Variants in DNAH6 observed in about 807,000 individuals in gnomAD.
The protein encoded by DNAH6 is axonemal beta dynein heavy chain 6.
In DNAH6, 340 loss-of-function variants were observed where a neutral mutation model predicts 491.4. That is an observed-to-expected ratio of 0.69 (90% CI 0.63 to 0.76). The LOEUF (loss-of-function observed/expected upper bound fraction) is 0.76, where lower values mean the gene tolerates loss of function less well. Ranked by LOEUF, DNAH6 falls within the 30% of genes least tolerant of loss-of-function variation. The pLI is 0.00. For synonymous variants in DNAH6, 1,603 were observed against 1,686.1 expected, an observed-to-expected ratio of 0.95 and a Z score of 1.21; for missense variants, 4,443 against 4,972.2, an observed-to-expected ratio of 0.89 and a Z score of 3.20.
rs1031396955 is a variant in DNAH6, at chr2:84,768,432, TA to T, written c.10703+5497del. Among the ~76,000 whole-genome samples, 166 of 148,074 alleles carry T rather than the reference TA, an allele frequency of 1.1e-3. 1 individual carries two copies. Among genetic ancestry groups the T allele is most frequent in the Middle Eastern group, 3.6e-3 (1 of 280 alleles). On this transcript the variant is annotated intron_variant, in intron 64 of 76. Coordinates refer to ENST00000389394, the MANE Select transcript of DNAH6 (RefSeq NM_001370.2). Reference sequence around the variant, plus strand: ...GCAGACATTAAAATGAGTGTATTATTAAAAAAAAAACTTTTGCCAATGAATT... The same window carrying T: ...GCAGACATTAAAATGAGTGTATTATTAAAAAAAAACTTTTGCCAATGAATT...
chr2:84,819,244 T>A, intron 76 of DNAH6, 61 bp from the exon 77 acceptor site: 1 of 1,234,492 alleles, frequency 8.1e-7, no homozygotes, highest in Non-Finnish European at 1.1e-6. Context: ...GTAGCCTCTC[T>A]CTTTGTATGA....
At chr2:84,783,820 G>A (rs1283351423) in intron 65 of DNAH6, among the ~76,000 whole-genome samples, 1 of 152,202 alleles carries the variant, frequency 6.6e-6, no homozygotes, top group Non-Finnish European at 1.5e-5. Flanking sequence ...ACATGGTTGT[G>A]CTTTGGAAAA....
rs1363005589 is a variant in DNAH6, at chr2:84,654,768, G to A, written c.5743G>A (p.Gly1915Ser). The change falls in exon 35 of 77, where the codon GGT becomes AGT. Residue 1915 changes from glycine (G) to serine (S), a missense_variant. By Grantham distance (56) the Gly-to-Ser change is moderately conservative (BLOSUM62 0). This residue lies in a region of DNAH6 where 2,977 missense variants were observed against 3,296.6 expected (regional missense o/e 0.90). Transcript: ENST00000389394. ...WMPYVKTWMK[G>S]ISKKLTEETQ... Reference sequence around the variant, plus strand: ...GCCTTATGTTAAAACTTGGATGAAGGGTATTTCTAAAAAAGTAAGTGCCAT... The same window carrying A: ...GCCTTATGTTAAAACTTGGATGAAGAGTATTTCTAAAAAAGTAAGTGCCAT... 6.4e-7 allele frequency: 1 copy of A among 1,550,530 alleles called. No homozygotes were observed. The highest frequency in any genetic ancestry group is 2.0e-5 in the Admixed American group (1 of 50,940).
chr2:84,645,479 GT>G (rs1415995309), intron 33 of DNAH6, among the ~76,000 whole-genome samples: 1 of 152,100 alleles, frequency 6.6e-6, no homozygotes, highest in African/African-American at 2.4e-5. Context: ...TCACATTGTG[GT>G]TTTGATTTGC....
At chr2:84,579,820 A>G in intron 14 of DNAH6, 141 bp downstream of exon 14, 2 of 661,174 alleles carry the variant, frequency 3.0e-6, no homozygotes, top group Non-Finnish European at 4.9e-6. Flanking sequence ...TGGATGTTCT[A>G]CATCACAGGA....
intron 33 of DNAH6, among the ~76,000 whole-genome samples, chr2:84,643,088 AT>A (rs1266239531): frequency 6.6e-6 from 1 of 152,020 alleles, no homozygotes; most frequent in Non-Finnish European, 1.5e-5. Flanking sequence ...CTCAATGTTT[AT>A]TTGTCTGAGA....
chr2:84,550,273 C>T (rs767944864), intron 9 of DNAH6, among the ~76,000 whole-genome samples: 2 of 152,148 alleles, frequency 1.3e-5, no homozygotes, highest in Non-Finnish European at 2.9e-5. Context: ...AACTGTTCCA[C>T]CTCAGATCAT....
At chr2:84,708,312 G>A (rs551461157) in intron 54 of DNAH6, among the ~76,000 whole-genome samples, 1 of 151,968 alleles carries the variant, frequency 6.6e-6, no homozygotes, top group African/African-American at 2.4e-5. Context: ...GGGCGTAGGG[G>A]CAGGTGCCTG....
At chr2:84,578,821 A>T (rs1263250960) in intron 13 of DNAH6, among the ~76,000 whole-genome samples, 1 of 152,202 alleles carries the variant, frequency 6.6e-6, no homozygotes, top group Admixed American at 6.5e-5. Context: ...AAGTGATTGG[A>T]TTATGGGGGT....
the DNAH6 span, among the ~76,000 whole-genome samples, chr2:84,496,735 CAT>C: frequency 1.3e-5 from 2 of 152,216 alleles, no homozygotes; most frequent in South Asian, 2.1e-4. Flanking sequence ...ATAAAATGCA[CAT>C]GTTCTAAGAA....
At chr2:84,733,793 G>T (rs1481800980) in intron 62 of DNAH6, among the ~76,000 whole-genome samples, 1 of 148,574 alleles carries the variant, frequency 6.7e-6, no homozygotes, top group Admixed American at 6.7e-5. Flanking sequence ...TTATATATAT[G>T]TATACACACA....
chr2:84,524,297 C>G (rs796965627), intron 2 of DNAH6, among the ~76,000 whole-genome samples: 6 of 151,164 alleles, frequency 4.0e-5, no homozygotes, highest in African/African-American at 1.5e-4. Context: ...TTCCCATTTG[C>G]TTGGTAGATT....
chr2:84,567,977 A>G (rs1681387388), intron 11 of DNAH6, among the ~76,000 whole-genome samples: 1 of 152,190 alleles, frequency 6.6e-6, no homozygotes, highest in African/African-American at 2.4e-5. Context: ...TGGCATATAT[A>G]TAAACTCAAC....
chr2:84,750,370 A>G (rs1673353477), intron 63 of DNAH6, among the ~76,000 whole-genome samples: 1 of 151,896 alleles, frequency 6.6e-6, no homozygotes, highest in African/African-American at 2.4e-5. Context: ...CTTTTTGTAG[A>G]AATGGGGTTT....
intron 57 of DNAH6, among the ~76,000 whole-genome samples, chr2:84,715,109 T>C (rs1255861144): frequency 1.3e-5 from 2 of 152,094 alleles, no homozygotes; most frequent in Non-Finnish European, 2.9e-5. Flanking sequence ...AACTAAGTGA[T>C]TTTATTACCT....
intron 11 of DNAH6, among the ~76,000 whole-genome samples, chr2:84,563,934 A>G (rs1167386121): frequency 6.6e-6 from 1 of 152,178 alleles, no homozygotes. Context: ...TTATTCCAGC[A>G]CCATTTATTG....
intron 50 of DNAH6, among the ~76,000 whole-genome samples, chr2:84,703,787 C>T (rs530382248): frequency 3.3e-5 from 5 of 151,886 alleles, no homozygotes; most frequent in African/African-American, 1.2e-4. Flanking sequence ...TTGATGCAGC[C>T]CAATGAATAG....
chr2:84,749,249 A>G (rs904501407), intron 63 of DNAH6, among the ~76,000 whole-genome samples: 3 of 152,232 alleles, frequency 2.0e-5, no homozygotes, highest in African/African-American at 7.2e-5. Flanking sequence ...GATTATAATA[A>G]AAGAATAGAG....
At chr2:84,819,250 T>C (rs1680798782) in intron 76 of DNAH6, 55 bp from the exon 77 acceptor site, 1 of 1,269,588 alleles carries the variant, frequency 7.9e-7, no homozygotes, top group Non-Finnish European at 1.1e-6. Context: ...TCTCTCTTTG[T>C]ATGAGGAAGT....
Sources: allele counts gnomAD v4.1 joint callset (sites outside exome capture counted in the v4.1 genomes callset), GRCh38; gene constraint gnomAD v4.1.1; regional missense constraint gnomAD v4.1.1; transcripts MANE v1.5; gene names NCBI Gene and HGNC (gene_info 2026-07-23, HGNC 2026-07-21).